Variants in CFAP54 observed in about 807,000 individuals in gnomAD.
CFAP54 encodes the protein cilia and flagella associated protein 54, also known as cilia- and flagella-associated protein 54.
Under a neutral mutation model 370.4 loss-of-function variants are expected in CFAP54, and 290 were observed. The observed-to-expected ratio is 0.78, with a 90% CI of 0.71 to 0.86. CFAP54 has a LOEUF of 0.86. CFAP54 is among the 40% of genes least tolerant of loss of function. The pLI, the probability that CFAP54 is intolerant of heterozygous loss-of-function variation, is 0.00. For missense variants in CFAP54, 3,399 were observed against 3,528.7 expected (o/e 0.96, Z 0.93); for synonymous variants, 1,206 against 1,236.5 (o/e 0.98, Z 0.52).
At chr12:96,658,162 G>A (rs550092822) in intron 37 of CFAP54, 49 bp from the exon 38 acceptor site, 2 of 1,490,238 alleles carry the variant, frequency 1.3e-6, no homozygotes, top group East Asian at 2.3e-5. Flanking sequence ...AAAAAAAAAA[G>A]TCTTTTAACT....
chr12:96,696,873 T>A (rs570429424), intron 45 of CFAP54, among the ~76,000 whole-genome samples: 1 of 152,300 alleles, frequency 6.6e-6, no homozygotes. Flanking sequence ...GTCAGGGAGT[T>A]GGAAGAGAGA....
At chr12:96,655,575 A>C (rs1049344090) in intron 36 of CFAP54, among the ~76,000 whole-genome samples, 1 of 152,176 alleles carries the variant, frequency 6.6e-6, no homozygotes, top group African/African-American at 2.4e-5. Context: ...AATTTGTAGA[A>C]AATACAGTGG....
intron 1 of CFAP54, among the ~76,000 whole-genome samples, chr12:96,498,454 A>G (rs1954983738): frequency 6.6e-6 from 1 of 152,254 alleles, no homozygotes; most frequent in Non-Finnish European, 1.5e-5. Flanking sequence ...AGAGATTGAG[A>G]CCATCCTGGT....
chr12:96,756,798 C>G (rs964693243), intron 57 of CFAP54, among the ~76,000 whole-genome samples: 2 of 152,182 alleles, frequency 1.3e-5, no homozygotes, highest in Non-Finnish European at 2.9e-5. Context: ...GATCTCGTGT[C>G]AGTCCCAGGA....
intron 66 of CFAP54, among the ~76,000 whole-genome samples, chr12:96,854,498 T>G (rs1959645351): frequency 6.6e-6 from 1 of 152,086 alleles, no homozygotes; most frequent in African/African-American, 2.4e-5. Context: ...GGCATATGAC[T>G]AAAAAACAAC....
At chr12:96,817,998 T>C in intron 65 of CFAP54, 85 bp downstream of exon 65, 2 of 985,974 alleles carry the variant, frequency 2.0e-6, no homozygotes, top group Non-Finnish European at 2.7e-6. Context: ...GGACTTAAAC[T>C]CTGTAATTCT....
At position 96,630,081 on chromosome 12, in the gene CFAP54, C is replaced by G. The variant is rs1956589225; in HGVS notation, c.4104-12C>G. 7.4e-7 allele frequency: 1 copy of G among 1,357,864 alleles called. No individual in the cohort carries two copies. Among genetic ancestry groups the G allele is most frequent in the African/African-American group, 1.5e-5 (1 of 68,090 alleles). 84.1% of individuals were successfully genotyped at this position (1,357,864 alleles called of 1,614,324 possible). On this transcript the variant is annotated splice_polypyrimidine_tract_variant and intron_variant, in intron 30 of 67. Coordinates refer to ENST00000524981, the MANE Select transcript of CFAP54 (RefSeq NM_001306084.2). ...TGCAGGTCTTTTTGACTGACTTTAT[C>G]TTTTTTATTAGGAGAAATGAGTCTC...
intron 9 of CFAP54, among the ~76,000 whole-genome samples, 176 bp downstream of exon 9, chr12:96,527,620 G>A (rs1955398157): frequency 1.3e-5 from 2 of 151,756 alleles, no homozygotes; most frequent in South Asian, 2.1e-4. Context: ...AGACTGGAGT[G>A]CAGTGGCGTG....
chr12:96,593,687 A>AATAT (rs142113915), intron 24 of CFAP54, among the ~76,000 whole-genome samples: 4 of 151,414 alleles, frequency 2.6e-5, no homozygotes, highest in Non-Finnish European at 5.9e-5. Context: ...CATAATCTTG[A>AATAT]ATATATATAT....
chr12:96,768,826 G>T (rs1958427746), intron 60 of CFAP54, among the ~76,000 whole-genome samples: 1 of 152,216 alleles, frequency 6.6e-6, no homozygotes, highest in Non-Finnish European at 1.5e-5. Flanking sequence ...TTAATTAAGA[G>T]CGTTGTTTTC....
chr12:96,526,885 GTTTTTTTTT>G (rs34080505), intron 8 of CFAP54, among the ~76,000 whole-genome samples: 2 of 97,688 alleles, frequency 2.0e-5, no homozygotes, highest in Non-Finnish European at 2.0e-5. Flanking sequence ...CTTATAACAG[GTTTTTTTTT>G]TTTTTTTTTT....
intron 47 of CFAP54, among the ~76,000 whole-genome samples, chr12:96,705,393 C>T (rs1592717421): frequency 6.6e-6 from 1 of 151,304 alleles, no homozygotes; most frequent in Non-Finnish European, 1.5e-5. Flanking sequence ...ACAAAGTTCA[C>T]TTTTAATTAT....
intron 1 of CFAP54, among the ~76,000 whole-genome samples, chr12:96,498,640 A>G (rs1374761371): frequency 6.6e-6 from 1 of 152,240 alleles, no homozygotes; most frequent in African/African-American, 2.4e-5. Context: ...TGACAGAGTG[A>G]GACTCCATCT....
chr12:96,654,334 T>C (rs1592690098), intron 36 of CFAP54, among the ~76,000 whole-genome samples: 1 of 152,034 alleles, frequency 6.6e-6, no homozygotes, highest in African/African-American at 2.4e-5. Context: ...ACCCCGTCTC[T>C]ACTAAAAATA....
intron 36 of CFAP54, among the ~76,000 whole-genome samples, chr12:96,656,182 G>A (rs933221773): frequency 1.3e-5 from 2 of 152,148 alleles, no homozygotes; most frequent in African/African-American, 4.8e-5. Context: ...GGCCTTGGCT[G>A]TGCCAGAAAC....
At chr12:96,780,552 C>T (rs1006620323) in intron 60 of CFAP54, among the ~76,000 whole-genome samples, 3 of 151,962 alleles carry the variant, frequency 2.0e-5, no homozygotes, top group Admixed American at 1.3e-4. Context: ...TTTCAACTTT[C>T]AACTAACTGA....
At position 96,500,893 on chromosome 12, in the gene CFAP54, A is replaced by G. The variant is rs1284409961; in HGVS notation, c.377A>G (p.Tyr126Cys). 6 of 1,535,790 alleles carry G rather than the reference A, an allele frequency of 3.9e-6. No individual in the cohort carries two copies. The highest frequency in any genetic ancestry group is 1.7e-4 in the Middle Eastern group (1 of 6,012). Residue 126 changes from tyrosine to cysteine, a missense_variant, in exon 2 of 68, where the codon TAC becomes TGC. By Grantham distance (194) the Tyr-to-Cys change is radical (BLOSUM62 -2). Coordinates refer to ENST00000524981, the MANE Select transcript of CFAP54 (RefSeq NM_001306084.2). ...GCCCCCAGGCTGCCAGCAGACTATT[A>G]CAACGAAAAGCTTCTGAAGGTTGGA... is the stretch of plus-strand genomic sequence containing the variant. ...KYAPRLPADY[Y>C]NEKLLKVGDS...
intron 66 of CFAP54, among the ~76,000 whole-genome samples, chr12:96,845,676 C>T (rs1341260154): frequency 1.3e-5 from 2 of 152,250 alleles, no homozygotes; most frequent in Admixed American, 1.3e-4. Context: ...GCTTCCTTCC[C>T]TTTCCCCATG....
intron 8 of CFAP54, among the ~76,000 whole-genome samples, chr12:96,525,207 A>G (rs149536315): frequency 3.1e-3 from 463 of 151,266 alleles, no homozygotes; most frequent in Admixed American, 5.4e-3. Flanking sequence ...TTGCCATTTT[A>G]ACTTTATTTC....
Sources: gnomAD v4.1 joint callset for allele counts (sites outside exome capture counted in the v4.1 genomes callset) on GRCh38, gnomAD v4.1.1 for gene constraint, MANE v1.5 for transcripts, NCBI Gene and HGNC (gene_info 2026-07-23, HGNC 2026-07-21) for gene names.